PCGF5: variants seen among roughly 807,000 people sequenced by gnomAD.
PCGF5 encodes the protein polycomb group ring finger 5.
Under a neutral mutation model 44.3 loss-of-function variants are expected in PCGF5, and 9 were observed. The ratio of observed to expected loss-of-function variants is 0.20; its 90% CI spans 0.12 to 0.35. The LOEUF is 0.35. PCGF5 is among the 10% of genes least tolerant of loss of function. PCGF5 has a pLI of 1.00. For synonymous variants in PCGF5, 95 were observed against 102.5 expected (o/e 0.93, Z 0.44); for missense variants, 146 against 305.3 (o/e 0.48, Z 3.89).
chr10:91,210,666 C>A (rs1844435267), intron 1 of PCGF5, among the ~76,000 whole-genome samples: 1 of 152,238 alleles, frequency 6.6e-6, no homozygotes, highest in Non-Finnish European at 1.5e-5. Flanking sequence ...AAGGCTGTTT[C>A]AGTGCCTCTA....
At chr10:91,201,121 GT>G (rs899298950) in intron 1 of PCGF5, among the ~76,000 whole-genome samples, 80 of 152,306 alleles carry the variant, frequency 5.3e-4, no homozygotes, top group African/African-American at 1.9e-3. Context: ...GTCTTAGTTT[GT>G]TTTCTGTTGC....
chr10:91,222,916 C>T lies in PCGF5; in HGVS notation c.45C>T (p.Tyr15=). The T allele has an allele frequency of 1.9e-6, 3 of 1,613,700 alleles. No individual in the cohort carries two copies. Among genetic ancestry groups the T allele is most frequent in the East Asian group, 2.2e-5 (1 of 44,882 alleles). Residue 15 remains tyrosine, a synonymous_variant, in exon 2 of 10, where the codon TAC becomes TAT. Transcript: ENST00000336126. ...RKHLVKDFNP[Y]ITCYICKGYL... Reference sequence around the variant, plus strand: ...ACTTGGTGAAAGATTTTAATCCTTACATTACCTGCTATATCTGTAAAGGGT... The same window carrying T: ...ACTTGGTGAAAGATTTTAATCCTTATATTACCTGCTATATCTGTAAAGGGT...
At chr10:91,234,915 T>C (rs1845114476) in intron 2 of PCGF5, among the ~76,000 whole-genome samples, 1 of 152,236 alleles carries the variant, frequency 6.6e-6, no homozygotes, top group Non-Finnish European at 1.5e-5. Flanking sequence ...CCTTGGTTTT[T>C]CATGTATATC....
intron 6 of PCGF5, 101 bp from the exon 7 acceptor site, chr10:91,261,225 C>A: frequency 1.5e-6 from 2 of 1,291,020 alleles, no homozygotes; most frequent in East Asian, 2.9e-5. Flanking sequence ...TTTAAAAATA[C>A]TCAAAATGAT....
At chr10:91,215,445 T>G (rs1844523586), upstream of PCGF5, among the ~76,000 whole-genome samples, 1 of 152,238 alleles carries the variant, frequency 6.6e-6, no homozygotes, top group South Asian at 2.1e-4. Context: ...TAAATTCCCT[T>G]GTTTAACGTC....
chr10:91,171,906 T>C (rs1456553733), intron 1 of PCGF5, among the ~76,000 whole-genome samples: 1 of 152,204 alleles, frequency 6.6e-6, no homozygotes, highest in African/African-American at 2.4e-5. Context: ...TCAGTGTCAG[T>C]GTCTGTCTTT....
chr10:91,206,316 T>G (rs1308124364), intron 1 of PCGF5, among the ~76,000 whole-genome samples: 1 of 152,006 alleles, frequency 6.6e-6, no homozygotes, highest in Non-Finnish European at 1.5e-5. Flanking sequence ...GTGACTTCTG[T>G]GAAAACAAGC....
chr10:91,261,460 T>C, intron 7 of PCGF5, 36 bp downstream of exon 7: 1 of 1,384,034 alleles, frequency 7.2e-7, no homozygotes, highest in East Asian at 2.5e-5. Context: ...ATCATTTTGA[T>C]AATTCTGATT....
chr10:91,255,787 A>G (rs968790072), intron 6 of PCGF5, among the ~76,000 whole-genome samples: 2 of 152,070 alleles, frequency 1.3e-5, no homozygotes, highest in Non-Finnish European at 2.9e-5. Context: ...GTGGTCCCTC[A>G]GTATATGTTG....
rs113006192 is a variant in PCGF5 at position 91,177,501 on chromosome 10, G to C, written c.-184+14420G>C. On this transcript the variant is annotated intron_variant, in intron 1 of 9. Coordinates refer to the PCGF5 transcript ENST00000614189. ...TTTGTTTGGCTATGCCTTGCCCCCG[G>C]AGGTGGAGTCTACAGAGGCAGACAG... 6.5e-3 allele frequency among the ~76,000 whole-genome samples: 993 copies of C among 152,340 alleles called. 9 individuals carry two copies. The highest frequency in any genetic ancestry group is 0.023 in the African/African-American group (953 of 41,574).
chr10:91,251,450 C>A lies in PCGF5; in HGVS notation c.474+10C>A. The stretch of plus-strand genomic sequence containing the variant: ...GGACAATGTAGTAAAGGTGAGTGAA[C>A]AAGTACTATGGTATTTTTATGATCA... On this transcript the variant is annotated intron_variant, in intron 6 of 9. Transcript: ENST00000336126. 1.2e-6 allele frequency: 2 copies of A among 1,607,808 alleles called. No homozygotes were observed. The highest frequency in any genetic ancestry group is 1.7e-6 in the Non-Finnish European group (2 of 1,175,986).
rs147702798 is a variant in PCGF5 at position 91,257,844 on chromosome 10, A to C, written c.475-3482A>C. On this transcript the variant is annotated intron_variant, in intron 6 of 9. Transcript: ENST00000336126. ...AGAATTGAAAACATGTTCACACAAAATCTTGTATATGTATATTCATAATAG... is the reference window on the plus strand; with the variant it reads ...AGAATTGAAAACATGTTCACACAAACTCTTGTATATGTATATTCATAATAG... Among the ~76,000 whole-genome samples, 276 of 152,262 alleles carry C rather than the reference A, an allele frequency of 1.8e-3. 1 individual carries two copies. Among genetic ancestry groups the C allele is most frequent in the African/African-American group, 6.1e-3 (255 of 41,574 alleles).
At chr10:91,230,210 A>G (rs956791752) in intron 2 of PCGF5, among the ~76,000 whole-genome samples, 1 of 152,222 alleles carries the variant, frequency 6.6e-6, no homozygotes, top group African/African-American at 2.4e-5. Flanking sequence ...ATGAGAATAT[A>G]TCTTGGTCAG....
At chr10:91,186,411 A>G (rs1843924280) in intron 1 of PCGF5, among the ~76,000 whole-genome samples, 1 of 152,190 alleles carries the variant, frequency 6.6e-6, no homozygotes, top group Non-Finnish European at 1.5e-5. Flanking sequence ...TGATTTCACA[A>G]GGTTGGAAGT....
chr10:91,233,415 T>TA (rs1845063980), intron 2 of PCGF5, among the ~76,000 whole-genome samples: 1 of 151,612 alleles, frequency 6.6e-6, no homozygotes, highest in Non-Finnish European at 1.5e-5. Flanking sequence ...TAGCAAAAAA[T>TA]AAAAATAAAA....
At chr10:91,163,056 C>T (rs1843418304) in exon 1 of PCGF5, 2 of 148,628 alleles carry the variant, frequency 1.3e-5, no homozygotes, top group South Asian at 4.1e-4. Flanking sequence ...CGCGGCCCGC[C>T]CGGATCGTGG....
At chr10:91,203,988 AT>A (rs1398493952) in intron 1 of PCGF5, among the ~76,000 whole-genome samples, 1 of 152,126 alleles carries the variant, frequency 6.6e-6, no homozygotes, top group Admixed American at 6.5e-5. Context: ...TTGTACAACT[AT>A]TTGATGTTTA....
In PCGF5 at chr10:91,252,735, C is replaced by T. The variant is rs111397423; in HGVS notation, c.474+1295C>T. ...ATGGTCATCCTTTAGCTCTCCAATACATGAGTTAGCTCATACTGAAAGTTA... is the reference window on the plus strand; with the variant it reads ...ATGGTCATCCTTTAGCTCTCCAATATATGAGTTAGCTCATACTGAAAGTTA... On this transcript the variant is annotated intron_variant, in intron 6 of 9. Coordinates refer to ENST00000336126, the MANE Select transcript of PCGF5 (RefSeq NM_032373.5). Among the ~76,000 whole-genome samples the T allele has an allele frequency of 7.6e-3, 1,157 of 152,168 alleles. 7 individuals carry two copies. The highest frequency in any genetic ancestry group is 0.012 in the Non-Finnish European group (821 of 67,966).
intron 2 of PCGF5, among the ~76,000 whole-genome samples, chr10:91,236,850 C>T (rs1332065366): frequency 1.3e-5 from 2 of 152,132 alleles, no homozygotes; most frequent in Non-Finnish European, 2.9e-5. Flanking sequence ...GGAGATGTAT[C>T]TTCTAGAGAT....
Sources: gnomAD v4.1 joint callset for allele counts (sites outside exome capture counted in the v4.1 genomes callset) on GRCh38, gnomAD v4.1.1 for gene constraint, MANE v1.5 for transcripts, NCBI Gene and HGNC (gene_info 2026-07-23, HGNC 2026-07-21) for gene names.